The following PGM5 variants were observed in gnomAD, a reference collection of about 807,000 sequenced individuals.
PGM5 encodes phosphoglucomutase-like protein 5.
In PGM5, 23 loss-of-function variants were observed where a neutral mutation model predicts 59.2. That is an observed-to-expected ratio of 0.39 (90% CI 0.28 to 0.55). The LOEUF is 0.55. PGM5 is among the 20% of genes least tolerant of loss of function. The pLI, the probability that PGM5 is intolerant of heterozygous loss-of-function variation, is 0.66. For missense variants in PGM5, 574 were observed against 748.3 expected (o/e 0.77, Z 2.72); for synonymous variants, 214 against 286.0 (o/e 0.75, Z 2.54).
chr9:68,409,157 A>C (rs1280484833), intron 6 of PGM5, among the ~76,000 whole-genome samples: 2 of 151,374 alleles, frequency 1.3e-5, no homozygotes, highest in Admixed American at 1.3e-4. Context: ...GAGAAATGCA[A>C]ATCAAAACCA....
At chr9:68,441,805 A>T (rs1270776772) in intron 6 of PGM5, among the ~76,000 whole-genome samples, 3 of 152,202 alleles carry the variant, frequency 2.0e-5, no homozygotes, top group African/African-American at 7.2e-5. Context: ...AGGAAAAAAA[A>T]TATGGATTCT....
At chr9:68,479,333 A>T in intron 7 of PGM5, 85 bp from the exon 8 acceptor site, 1 of 1,256,344 alleles carries the variant, frequency 8.0e-7, no homozygotes, top group Non-Finnish European at 1.1e-6. Flanking sequence ...ATAACATTCA[A>T]TCACTAACTG....
At chr9:68,374,686 C>A (rs1273560492) in intron 1 of PGM5, among the ~76,000 whole-genome samples, 1 of 151,694 alleles carries the variant, frequency 6.6e-6, no homozygotes, top group African/African-American at 2.4e-5. Flanking sequence ...TCCTGCCACT[C>A]TTCAAGGTAT....
chr9:68,376,300 A>G lies in PGM5; in HGVS notation c.262-1899A>G, dbSNP rs541814350. Among the ~76,000 whole-genome samples the G allele has an allele frequency of 6.8e-4, 103 of 152,266 alleles. 1 individual carries two copies. The highest frequency in any genetic ancestry group is 2.6e-4 in the Non-Finnish European group (18 of 68,022). On this transcript the variant is annotated intron_variant, in intron 1 of 10. Coordinates refer to ENST00000396396, the MANE Select transcript of PGM5 (RefSeq NM_021965.4). ...TATTATTATATTATTATTAAAATTG[A>G]CATCCTTTATTCTCTATTATAGCAG...
At chr9:68,423,890 A>G (rs1302277075) in intron 6 of PGM5, among the ~76,000 whole-genome samples, 1 of 152,164 alleles carries the variant, frequency 6.6e-6, no homozygotes, top group Non-Finnish European at 1.5e-5. Flanking sequence ...ACAGAACAGT[A>G]TTAGAGAAAC....
intron 7 of PGM5, among the ~76,000 whole-genome samples, chr9:68,475,958 C>G (rs1824096625): frequency 6.6e-6 from 1 of 152,206 alleles, no homozygotes; most frequent in Admixed American, 6.5e-5. Flanking sequence ...GAGGTCGCGG[C>G]TGCAGTGAGC....
intron 10 of PGM5, among the ~76,000 whole-genome samples, chr9:68,505,344 G>A (rs781990172): frequency 3.9e-5 from 6 of 152,058 alleles, no homozygotes; most frequent in South Asian, 2.1e-4. Context: ...GACACCAACT[G>A]GGTGCAACAA....
At chr9:68,436,310 T>C (rs1450855102) in intron 6 of PGM5, among the ~76,000 whole-genome samples, 1 of 152,132 alleles carries the variant, frequency 6.6e-6, no homozygotes, top group South Asian at 2.1e-4. Flanking sequence ...ACCTAGTAAT[T>C]TGAATATATA....
At chr9:68,506,407 G>A (rs1824655471) in intron 10 of PGM5, among the ~76,000 whole-genome samples, 3 of 152,140 alleles carry the variant, frequency 2.0e-5, no homozygotes, top group Admixed American at 2.0e-4. Context: ...GCTCCAAGTT[G>A]CTCTGAACCT....
chr9:68,373,444 C>T (rs1456391862), intron 1 of PGM5, among the ~76,000 whole-genome samples: 2 of 152,144 alleles, frequency 1.3e-5, no homozygotes, highest in African/African-American at 2.4e-5. Context: ...CTTTAACCTT[C>T]TTAAACAGAA....
chr9:68,416,416 T>C (rs1823033498), intron 6 of PGM5, among the ~76,000 whole-genome samples: 1 of 152,228 alleles, frequency 6.6e-6, no homozygotes, highest in Non-Finnish European at 1.5e-5. Flanking sequence ...ACTGTGGTAA[T>C]TGGCTTGAGA....
intron 10 of PGM5, among the ~76,000 whole-genome samples, chr9:68,518,093 C>T (rs767046768): frequency 6.6e-6 from 1 of 152,206 alleles, no homozygotes; most frequent in Non-Finnish European, 1.5e-5. Context: ...AAGAGGCAGA[C>T]CTGTGTGGCA....
intron 6 of PGM5, among the ~76,000 whole-genome samples, chr9:68,401,271 A>C (rs1365615538): frequency 5.9e-5 from 9 of 151,504 alleles, no homozygotes; most frequent in Non-Finnish European, 1.2e-4. Flanking sequence ...AGTCAGAAAA[A>C]CACTTAGATG....
chr9:68,373,165 G>A (rs1821785294), intron 1 of PGM5, among the ~76,000 whole-genome samples: 1 of 126,906 alleles, frequency 7.9e-6, no homozygotes, highest in South Asian at 2.5e-4. Context: ...ACCATTTTGT[G>A]AGTGTCCATA....
chr9:68,483,240 A>T (rs997253145), intron 8 of PGM5, among the ~76,000 whole-genome samples: 6 of 152,256 alleles, frequency 3.9e-5, no homozygotes, highest in African/African-American at 1.4e-4. Flanking sequence ...AACAAGATAC[A>T]TACAGTTTGG....
At chr9:68,475,512 A>G (rs1266483369) in intron 7 of PGM5, among the ~76,000 whole-genome samples, 2 of 151,978 alleles carry the variant, frequency 1.3e-5, no homozygotes, top group African/African-American at 4.8e-5. Flanking sequence ...ACATATCTAT[A>G]TTTTTTATAA....
Position 68,456,616 on chromosome 9 carries a change from TC to T in PGM5, c.1044-8475del, listed in dbSNP as rs775309059. The stretch of plus-strand genomic sequence containing the variant: ...TTACATGCAAGAGCACTGTGCCCTG[TC>T]CTTTTTTTTTTTTTTTTTTTTCCTT... On this transcript the variant is annotated intron_variant, in intron 6 of 10. Transcript: ENST00000396396. 3.4e-3 allele frequency among the ~76,000 whole-genome samples: 476 copies of T among 141,342 alleles called. 1 individual carries two copies. Among genetic ancestry groups the T allele is most frequent in the Non-Finnish European group, 5.6e-3 (369 of 65,460 alleles). The allele number at this position is 141,342 out of a possible 152,430, so 92.7% of individuals were successfully genotyped here. A position where few individuals can be genotyped will look rare whatever the true frequency, so the allele number is the denominator to read the frequency against.
chr9:68,503,223 C>T (rs1824605992), intron 10 of PGM5, among the ~76,000 whole-genome samples: 1 of 152,198 alleles, frequency 6.6e-6, no homozygotes, highest in African/African-American at 2.4e-5. Flanking sequence ...AGATTTACAA[C>T]AGGGTTACAC....
intron 6 of PGM5, among the ~76,000 whole-genome samples, chr9:68,442,174 G>A (rs1215582705): frequency 6.6e-6 from 1 of 152,130 alleles, no homozygotes; most frequent in Admixed American, 6.6e-5. Flanking sequence ...AATTTCCACA[G>A]GATATTGATA....
Sources: gnomAD v4.1 joint callset for allele counts (sites outside exome capture counted in the v4.1 genomes callset) on GRCh38, gnomAD v4.1.1 for gene constraint, MANE v1.5 for transcripts, NCBI Gene and HGNC (gene_info 2026-07-23, HGNC 2026-07-21) for gene names.